PBX3: variants seen among roughly 807,000 people sequenced by gnomAD.
PBX3 encodes the protein PBX homeobox 3.
PBX3 carries 14 observed loss-of-function variants against 48.5 expected under a neutral mutation model. That is an observed-to-expected ratio of 0.29 (90% confidence interval 0.19 to 0.45). PBX3 has a LOEUF of 0.45. Ranked by LOEUF, PBX3 falls within the 20% of genes least tolerant of loss-of-function variation. The pLI, the probability that PBX3 is intolerant of heterozygous loss-of-function variation, is 1.00. For missense variants in PBX3, 386 were observed against 546.7 expected (o/e 0.71, Z 2.93); for synonymous variants, 210 against 200.3 (o/e 1.05, Z -0.41).
intron 2 of PBX3, among the ~76,000 whole-genome samples, chr9:125,769,260 C>T (rs1375476638): frequency 6.6e-6 from 1 of 152,156 alleles, no homozygotes; most frequent in East Asian, 1.9e-4. Flanking sequence ...GCAGTTTTAT[C>T]CACCTTTGCT....
intron 2 of PBX3, among the ~76,000 whole-genome samples, chr9:125,782,257 A>G (rs1260627089): frequency 6.6e-6 from 1 of 152,112 alleles, no homozygotes; most frequent in East Asian, 1.9e-4. Flanking sequence ...CCTCTTTTTC[A>G]AACCATCAGA....
intron 5 of PBX3, among the ~76,000 whole-genome samples, chr9:125,941,054 C>T (rs778420076): frequency 3.3e-5 from 5 of 152,042 alleles, no homozygotes; most frequent in Admixed American, 1.3e-4. Context: ...GTAAACAAGA[C>T]AGTCAGTTAC....
intron 5 of PBX3, among the ~76,000 whole-genome samples, chr9:125,955,224 T>TG (rs1842278691): frequency 8.9e-6 from 1 of 112,866 alleles, no homozygotes; most frequent in Non-Finnish European, 2.1e-5. Flanking sequence ...CAGCAACACC[T>TG]GGGGAGAACC....
intron 2 of PBX3, among the ~76,000 whole-genome samples, chr9:125,788,908 TCCCTAATC>T (rs957912041): frequency 1.3e-5 from 2 of 152,048 alleles, no homozygotes; most frequent in Admixed American, 1.3e-4. Context: ...TGTGTAGCCT[TCCCTAATC>T]CCATTTCCCT....
At chr9:125,767,581 A>G (rs543386468) in intron 2 of PBX3, among the ~76,000 whole-genome samples, 1 of 152,320 alleles carries the variant, frequency 6.6e-6, no homozygotes, top group East Asian at 1.9e-4. Flanking sequence ...CCCACTGCTC[A>G]CTTTCTAGAA....
intron 2 of PBX3, among the ~76,000 whole-genome samples, chr9:125,886,071 C>T (rs2132366302): frequency 6.6e-6 from 1 of 152,030 alleles, no homozygotes; most frequent in South Asian, 2.1e-4. Flanking sequence ...CAACTTTGCT[C>T]ATGTAAGTTG....
intron 2 of PBX3, among the ~76,000 whole-genome samples, chr9:125,819,331 A>C (rs1056346078): frequency 3.9e-5 from 6 of 151,914 alleles, no homozygotes; most frequent in Non-Finnish European, 8.8e-5. Flanking sequence ...TAGTGAGACC[A>C]GCCTGACCAA....
At chr9:125,842,284 A>G (rs928985168) in intron 2 of PBX3, among the ~76,000 whole-genome samples, 1 of 152,188 alleles carries the variant, frequency 6.6e-6, no homozygotes, top group African/African-American at 2.4e-5. Flanking sequence ...TCTAGGCAAC[A>G]GTGGCTATGC....
intron 2 of PBX3, among the ~76,000 whole-genome samples, chr9:125,909,185 G>A (rs1394818702): frequency 6.6e-6 from 1 of 152,230 alleles, no homozygotes; most frequent in African/African-American, 2.4e-5. Context: ...CAGTGACAAG[G>A]CTCACTCCTT....
At chr9:125,893,656 T>A (rs1840703331) in intron 2 of PBX3, among the ~76,000 whole-genome samples, 1 of 152,238 alleles carries the variant, frequency 6.6e-6, no homozygotes. Flanking sequence ...GGCTTATATG[T>A]ATACTCTGGC....
chr9:125,914,691 A>C (rs1174037018), intron 2 of PBX3, among the ~76,000 whole-genome samples: 1 of 152,248 alleles, frequency 6.6e-6, no homozygotes, highest in East Asian at 1.9e-4. Flanking sequence ...TAACTAGTGT[A>C]GGGAACCTGC....
chr9:125,943,375 A>G (rs1842001745), intron 5 of PBX3, among the ~76,000 whole-genome samples: 2 of 20,444 alleles, frequency 9.8e-5, no homozygotes, highest in East Asian at 3.8e-3. Context: ...AAAAAAAAAA[A>G]AAAAAAAAAA....
intron 2 of PBX3, among the ~76,000 whole-genome samples, chr9:125,893,820 A>G (rs1353043640): frequency 6.6e-6 from 1 of 152,160 alleles, no homozygotes. Flanking sequence ...GTGTATCTGT[A>G]TTTCAGATGT....
chr9:125,782,191 G>A (rs954764288), intron 2 of PBX3, among the ~76,000 whole-genome samples: 2 of 152,172 alleles, frequency 1.3e-5, no homozygotes, highest in Admixed American at 6.5e-5. Flanking sequence ...TAATCATGGT[G>A]GAAGGTGAAG....
chr9:125,940,041 G>C (rs1189255229), intron 5 of PBX3, among the ~76,000 whole-genome samples: 1 of 152,198 alleles, frequency 6.6e-6, no homozygotes, highest in Non-Finnish European at 1.5e-5. Flanking sequence ...AAGTAGCCGA[G>C]TGTGATGGTG....
intron 2 of PBX3, among the ~76,000 whole-genome samples, chr9:125,852,819 TTAG>T (rs1839619156): frequency 6.6e-6 from 1 of 152,168 alleles, no homozygotes; most frequent in South Asian, 2.1e-4. Context: ...AACACAACAG[TTAG>T]TAGTGACTGC....
chr9:125,872,542 T>C (rs1479194316), intron 2 of PBX3, among the ~76,000 whole-genome samples: 1 of 152,098 alleles, frequency 6.6e-6, no homozygotes, highest in African/African-American at 2.4e-5. Context: ...TTCATGCCTG[T>C]CCAGCTGGGA....
At chr9:125,898,769 T>C (rs1840836308) in intron 2 of PBX3, among the ~76,000 whole-genome samples, 1 of 151,892 alleles carries the variant, frequency 6.6e-6, no homozygotes, top group African/African-American at 2.4e-5. Flanking sequence ...GTACATTCTT[T>C]TGGATATTCA....
chr9:125,801,157 C>T (rs759817522), intron 2 of PBX3, among the ~76,000 whole-genome samples: 8 of 152,166 alleles, frequency 5.3e-5, no homozygotes, highest in Non-Finnish European at 8.8e-5. Flanking sequence ...CTATTATGAA[C>T]TAAATAAGAT....
Sources: allele counts gnomAD v4.1 joint callset (sites outside exome capture counted in the v4.1 genomes callset), GRCh38; gene constraint gnomAD v4.1.1; transcripts MANE v1.5; gene names NCBI Gene and HGNC (gene_info 2026-07-23, HGNC 2026-07-21).